SDHB: variants seen among roughly 807,000 people sequenced by gnomAD.
SDHB encodes the protein succinate dehydrogenase complex iron sulfur subunit B.
In SDHB, 21 loss-of-function variants were observed where a neutral mutation model predicts 39.7. The observed-to-expected ratio is 0.53, with a 90% confidence interval of 0.37 to 0.76. SDHB has a LOEUF of 0.76. Among genes scored for constraint, SDHB ranks in the 30% least tolerant of loss-of-function variants. SDHB has a pLI of 0.00. For synonymous variants in SDHB, 118 were observed against 117.0 expected, an observed-to-expected ratio of 1.01 and a Z score of -0.06; for missense variants, 343 against 350.9, an observed-to-expected ratio of 0.98 and a Z score of 0.18.
chr1:17,023,240 C>T, intron 6 of SDHB: 1 of 260,506 alleles, frequency 3.8e-6, no homozygotes, highest in Non-Finnish European at 7.6e-6. Context: ...AATCACATGA[C>T]CATAGGCCTG....
chr1:17,038,596 A>G (rs1373793059), intron 2 of SDHB, among the ~76,000 whole-genome samples: 1 of 152,200 alleles, frequency 6.6e-6, no homozygotes, highest in African/African-American at 2.4e-5. Context: ...CTTCAGTACA[A>G]TGTTGAACTC....
intron 3 of SDHB, among the ~76,000 whole-genome samples, chr1:17,030,226 G>A (rs756590521): frequency 2.0e-5 from 3 of 152,076 alleles, no homozygotes; most frequent in Non-Finnish European, 4.4e-5. Flanking sequence ...TGTAGAGCAG[G>A]TGTCTCACTA....
intron 3 of SDHB, among the ~76,000 whole-genome samples, chr1:17,031,415 T>G (rs982023483): frequency 6.6e-6 from 1 of 152,098 alleles, no homozygotes; most frequent in African/African-American, 2.4e-5. Context: ...TTGATACAAT[T>G]CTGCTTTATT....
intron 2 of SDHB, among the ~76,000 whole-genome samples, chr1:17,044,108 T>C (rs2078095620): frequency 6.6e-6 from 1 of 152,162 alleles, no homozygotes. Context: ...CCTTGTCCAT[T>C]CAAGGCAAGT....
chr1:17,043,548 C>T (rs1284831890), intron 2 of SDHB, among the ~76,000 whole-genome samples: 1 of 152,184 alleles, frequency 6.6e-6, no homozygotes, highest in African/African-American at 2.4e-5. Flanking sequence ...TTCACTTACA[C>T]ATAAAACAGA....
intron 3 of SDHB, among the ~76,000 whole-genome samples, chr1:17,031,637 G>C (rs1320130719): frequency 6.6e-6 from 1 of 152,174 alleles, no homozygotes; most frequent in Non-Finnish European, 1.5e-5. Context: ...AAGATTAGCT[G>C]AATCAAAACA....
intron 2 of SDHB, among the ~76,000 whole-genome samples, chr1:17,043,863 A>G (rs1315980755): frequency 1.3e-5 from 2 of 152,228 alleles, no homozygotes; most frequent in Non-Finnish European, 2.9e-5. Flanking sequence ...AAGGAACTGC[A>G]TTCCACCAAT....
intron 3 of SDHB, 149 bp from the exon 4 acceptor site, chr1:17,028,885 C>G (rs1484420320): frequency 6.5e-6 from 6 of 928,520 alleles, no homozygotes; most frequent in African/African-American, 1.6e-5. Context: ...TGGCTTTTCT[C>G]CCTTCCTTCC....
intron 1 of SDHB, among the ~76,000 whole-genome samples, chr1:17,047,801 A>G (rs1051088689): frequency 6.6e-6 from 1 of 151,948 alleles, no homozygotes; most frequent in Non-Finnish European, 1.5e-5. Flanking sequence ...CAGCTTCCCC[A>G]GTAGCTAGGA....
intron 1 of SDHB, among the ~76,000 whole-genome samples, chr1:17,053,400 G>C (rs1431203629): frequency 6.6e-6 from 1 of 151,948 alleles, no homozygotes; most frequent in Non-Finnish European, 1.5e-5. Flanking sequence ...CCCACCTCCG[G>C]GATCCTTCGA....
At chr1:17,035,036 C>T (rs1215327855) in intron 2 of SDHB, among the ~76,000 whole-genome samples, 1 of 152,024 alleles carries the variant, frequency 6.6e-6, no homozygotes, top group African/African-American at 2.4e-5. Flanking sequence ...CCTCTGTTTA[C>T]CAGGGTCTTG....
chr1:17,052,106 C>CA (rs1360157762), intron 1 of SDHB: 1 of 152,212 alleles, frequency 6.6e-6, no homozygotes, highest in African/African-American at 2.4e-5. Flanking sequence ...CTTGGCCTCC[C>CA]AAAGTGCTGG....
At position 17,031,909 on chromosome 1, in the gene SDHB, T is replaced by G. The variant is rs147967622; in HGVS notation, c.286+1151A>C. Among the ~76,000 whole-genome samples, 753 of 152,282 alleles carry G rather than the reference T, an allele frequency of 4.9e-3. 6 individuals carry two copies. Among genetic ancestry groups the G allele is most frequent in the African/African-American group, 0.017 (717 of 41,556 alleles). On this transcript the variant is annotated intron_variant, in intron 3 of 7. Transcript: ENST00000375499. ...CTCTCAAGTCACTCTCTATGTGTCC[T>G]TGTGGAAGTCCATTACCCTCTCTGG...
At chr1:17,039,473 G>A (rs529347294) in intron 2 of SDHB, among the ~76,000 whole-genome samples, 1 of 151,426 alleles carries the variant, frequency 6.6e-6, no homozygotes, top group South Asian at 2.1e-4. Context: ...TGTAGTCCCA[G>A]GGACATGGGA....
intron 2 of SDHB, 136 bp from the exon 3 acceptor site, chr1:17,033,281 T>C (rs2078033280): frequency 4.1e-6 from 3 of 739,156 alleles, no homozygotes; most frequent in Non-Finnish European, 4.8e-6. Flanking sequence ...ATTTGTTCTG[T>C]AGTTTTGTTT....
At chr1:17,036,760 A>G (rs1008250575) in intron 2 of SDHB, among the ~76,000 whole-genome samples, 1 of 146,550 alleles carries the variant, frequency 6.8e-6, no homozygotes, top group Admixed American at 6.9e-5. Context: ...AAATATTTAT[A>G]TAAATATGAA....
chr1:17,044,478 C>T (rs2078097817), intron 2 of SDHB, among the ~76,000 whole-genome samples: 1 of 152,096 alleles, frequency 6.6e-6, no homozygotes. Flanking sequence ...GCATGAGCCA[C>T]TATACCCAGC....
At chr1:17,043,288 T>G (rs1185711036) in intron 2 of SDHB, among the ~76,000 whole-genome samples, 5 of 152,254 alleles carry the variant, frequency 3.3e-5, no homozygotes, top group Admixed American at 2.6e-4. Context: ...TGAGTTTAGT[T>G]TTATTGTATT....
chr1:17,039,779 T>C (rs1209717547), intron 2 of SDHB, among the ~76,000 whole-genome samples: 2 of 152,318 alleles, frequency 1.3e-5, no homozygotes, highest in South Asian at 2.1e-4. Context: ...CCCTACGCTA[T>C]AGTTATCATA....
Sources: gnomAD v4.1 joint callset for allele counts (sites outside exome capture counted in the v4.1 genomes callset) on GRCh38, gnomAD v4.1.1 for gene constraint, MANE v1.5 for transcripts, NCBI Gene and HGNC (gene_info 2026-07-23, HGNC 2026-07-21) for gene names.